Variants in TXNDC12 observed in about 807,000 individuals in gnomAD.
TXNDC12 encodes the protein thioredoxin domain-containing protein 12.
TXNDC12 carries 22 observed loss-of-function variants against 24.2 expected under a neutral mutation model. The observed-to-expected ratio is 0.91, with a 90% CI of 0.65 to 1.30. The LOEUF is 1.30. Ranked by LOEUF, TXNDC12 falls within the 50% of genes most tolerant of loss-of-function variation. The pLI, the probability that TXNDC12 is intolerant of heterozygous loss-of-function variation, is 0.00. For missense variants in TXNDC12, 184 were observed against 205.8 expected, an observed-to-expected ratio of 0.89 and a Z score of 0.65; for synonymous variants, 58 against 73.4, an observed-to-expected ratio of 0.79 and a Z score of 1.07.
At chr1:52,034,032 G>A in intron 2 of TXNDC12, 1 of 1,381,100 alleles carries the variant, frequency 7.2e-7, no homozygotes, top group Middle Eastern at 2.7e-4. Flanking sequence ...AAGACTGCCC[G>A]TCCATTTTAT....
chr1:52,053,694 A>C (rs1421680542), intron 1 of TXNDC12, among the ~76,000 whole-genome samples: 1 of 152,066 alleles, frequency 6.6e-6, no homozygotes, highest in Non-Finnish European at 1.5e-5. Context: ...ACAAAAAAAA[A>C]CGGTAGTCTG....
chr1:52,040,095 G>C (rs1685958287), intron 2 of TXNDC12, among the ~76,000 whole-genome samples: 1 of 151,924 alleles, frequency 6.6e-6, no homozygotes, highest in Non-Finnish European at 1.5e-5. Context: ...ACCATGCCCA[G>C]GTAATTTTTG....
At chr1:52,023,401 G>T in intron 6 of TXNDC12, 90 bp downstream of exon 6, 1 of 1,041,334 alleles carries the variant, frequency 9.6e-7, no homozygotes, top group Non-Finnish European at 1.5e-6. Flanking sequence ...CAGCTAACAT[G>T]CTGAATTTAC....
chr1:52,020,817 G>A lies in TXNDC12; in HGVS notation c.*116C>T. 2 of 792,380 alleles carry A rather than the reference G, an allele frequency of 2.5e-6. No individual in the cohort carries two copies. The highest frequency in any genetic ancestry group is 2.1e-6 in the Non-Finnish European group (1 of 480,184). 49.1% of individuals were successfully genotyped at this position (792,380 alleles called of 1,614,324 possible). On this transcript the variant is annotated 3_prime_UTR_variant, in exon 7 of 7. Coordinates refer to ENST00000371626, the MANE Select transcript of TXNDC12 (RefSeq NM_015913.4). ...CAGTGAGAGCGCTCCTTCCAGTGTA[G>A]GTAGGAATGAGGTTTCCTGGTCGGC...
rs1685836897 is a variant in TXNDC12, at chr1:52,034,025, A to G, written c.159-5395T>C. On this transcript the variant is annotated intron_variant, in intron 2 of 6. Transcript: ENST00000371626. Reference sequence around the variant, plus strand: ...GAATGTGATCTTCCTGCAGCGAAAGACTGCCCGTCCATTTTATTAATAAGG... The same window carrying G: ...GAATGTGATCTTCCTGCAGCGAAAGGCTGCCCGTCCATTTTATTAATAAGG... 3.6e-6 allele frequency: 5 copies of G among 1,384,250 alleles called. No homozygotes were observed. In the South Asian group the frequency reaches 5.5e-5, roughly 15 times the overall value. The allele number at this position is 1,384,250 out of a possible 1,614,324, so 85.7% of individuals were successfully genotyped here. A position where few individuals can be genotyped will look rare whatever the true frequency, so the allele number is the denominator to read the frequency against.
At chr1:52,045,348 T>C (rs557578804) in intron 1 of TXNDC12, among the ~76,000 whole-genome samples, 5 of 152,146 alleles carry the variant, frequency 3.3e-5, no homozygotes, top group African/African-American at 1.2e-4. Context: ...ATGGCCTCAA[T>C]TGTGTCCCCC....
chr1:52,052,552 A>G (rs1686235667), intron 1 of TXNDC12: 1 of 169,208 alleles, frequency 5.9e-6, no homozygotes, highest in Non-Finnish European at 1.5e-5. Context: ...GCCCATGCGG[A>G]AAGATCACAT....
chr1:52,020,912 G>T lies in TXNDC12; in HGVS notation c.*21C>A, dbSNP rs1685586404. 2 of 1,595,768 alleles carry T rather than the reference G, an allele frequency of 1.3e-6. No individual in the cohort carries two copies. Among genetic ancestry groups the T allele is most frequent in the Non-Finnish European group, 1.7e-6 (2 of 1,163,242 alleles). Reference sequence around the variant, plus strand: ...TTCCTTCCAGAACACTAACTCTGATGAAAGAAGGGGCACATTCATGTTACA... The same window carrying T: ...TTCCTTCCAGAACACTAACTCTGATTAAAGAAGGGGCACATTCATGTTACA... On this transcript the variant is annotated 3_prime_UTR_variant, in exon 7 of 7. Transcript: ENST00000371626.
intron 3 of TXNDC12, among the ~76,000 whole-genome samples, 170 bp from the exon 4 acceptor site, chr1:52,027,518 C>A (rs1228123889): frequency 6.6e-6 from 1 of 152,136 alleles, no homozygotes; most frequent in Non-Finnish European, 1.5e-5. Context: ...TACCTGGATT[C>A]TGAACCTGCA....
chr1:52,054,835 A>AC (rs1316440362), intron 1 of TXNDC12, among the ~76,000 whole-genome samples, 165 bp downstream of exon 1: 1 of 152,104 alleles, frequency 6.6e-6, no homozygotes, highest in African/African-American at 2.4e-5. Flanking sequence ...GCTACTCTCT[A>AC]CCCCAAGAAA....
At chr1:52,054,951 G>T (rs764023193) in intron 1 of TXNDC12, 49 bp downstream of exon 1, 1 of 1,346,540 alleles carries the variant, frequency 7.4e-7, no homozygotes, top group Non-Finnish European at 1.1e-6. Context: ...ATTATACTGG[G>T]ATCAGTATAG....
rs1223194175 is a variant in TXNDC12 at position 52,039,679 on chromosome 1, G to T, written c.158+1858C>A. ...ACGCAATACACTGGAGAGACGTACT[G>T]CTCACTGAAGATGATTAATGTTGCA... On this transcript the variant is annotated intron_variant, in intron 2 of 6. Transcript: ENST00000371626. 2.0e-5 allele frequency among the ~76,000 whole-genome samples: 3 copies of T among 152,190 alleles called. No individual in the cohort carries two copies. The South Asian group carries it at 6.2e-4, about 31-fold the overall frequency.
At chr1:52,033,314 T>C (rs1386650049) in intron 2 of TXNDC12, 1 of 1,613,888 alleles carries the variant, frequency 6.2e-7, no homozygotes, top group East Asian at 2.2e-5. Context: ...CTGAGGACGC[T>C]GCTGCCCGCC....
intron 2 of TXNDC12, among the ~76,000 whole-genome samples, chr1:52,041,281 C>T (rs1361909780): frequency 6.7e-6 from 1 of 150,302 alleles, no homozygotes; most frequent in Non-Finnish European, 1.5e-5. Flanking sequence ...TGCAGTGAGC[C>T]GAGATCGTGC....
At chr1:52,052,210 A>G (rs989047122) in intron 1 of TXNDC12, among the ~76,000 whole-genome samples, 2 of 152,214 alleles carry the variant, frequency 1.3e-5, no homozygotes, top group Admixed American at 6.5e-5. Flanking sequence ...GCAAGCTGAA[A>G]AAGGACAGGA....
rs779296831 is a variant in TXNDC12 at position 52,054,991 on chromosome 1, C to G, written c.97+9G>C. The G allele has an allele frequency of 6.2e-7, 1 of 1,602,002 alleles. No individual in the cohort carries two copies. The highest frequency in any genetic ancestry group is 1.7e-5 in the Admixed American group (1 of 60,002). ...GATCAGTAAAGAGAAGATAAGAACG[C>G]GGTCTGACCCTTTCCAAGCCCATTA... On this transcript the variant is annotated intron_variant, in intron 1 of 6. Transcript: ENST00000371626.
intron 4 of TXNDC12, among the ~76,000 whole-genome samples, chr1:52,025,382 T>C (rs1262429280): frequency 1.3e-5 from 2 of 152,164 alleles, no homozygotes; most frequent in Non-Finnish European, 2.9e-5. Flanking sequence ...CATGCCCAGC[T>C]AATTTTTTTA....
intron 2 of TXNDC12, among the ~76,000 whole-genome samples, chr1:52,038,381 G>A (rs1452955785): frequency 1.3e-5 from 2 of 150,954 alleles, no homozygotes; most frequent in African/African-American, 4.9e-5. Flanking sequence ...GGGGGATCTC[G>A]GCTCATGCAA....
chr1:52,040,392 G>A (rs1685962777), intron 2 of TXNDC12, among the ~76,000 whole-genome samples: 2 of 151,878 alleles, frequency 1.3e-5, no homozygotes, highest in Non-Finnish European at 2.9e-5. Flanking sequence ...TCACCATGTT[G>A]CCCAGATTGG....
Sources: allele counts gnomAD v4.1 joint callset (sites outside exome capture counted in the v4.1 genomes callset), GRCh38; gene constraint gnomAD v4.1.1; transcripts MANE v1.5; gene names NCBI Gene and HGNC (gene_info 2026-07-23, HGNC 2026-07-21).